HMCN1: variants seen among roughly 807,000 people sequenced by gnomAD.
HMCN1 encodes hemicentin-1.
In HMCN1, 321 loss-of-function variants were observed where a neutral mutation model predicts 625.9. The observed-to-expected ratio is 0.51, with a 90% confidence interval of 0.47 to 0.56. The LOEUF (loss-of-function observed/expected upper bound fraction) is 0.56. Ranked by LOEUF, HMCN1 falls within the 20% of genes least tolerant of loss-of-function variation. HMCN1 has a pLI of 0.00. For synonymous variants in HMCN1, 2,425 were observed against 2,417.6 expected, an observed-to-expected ratio of 1.00 and a Z score of -0.09; for missense variants, 6,588 against 6,887.3, an observed-to-expected ratio of 0.96 and a Z score of 1.54.
chr1:186,091,033 A>C, intron 64 of HMCN1, 116 bp downstream of exon 64: 1 of 1,204,214 alleles, frequency 8.3e-7, no homozygotes, highest in Non-Finnish European at 1.2e-6. Context: ...CTTAGCTATC[A>C]TTATATTCAC....
chr1:185,836,873 C>A (rs570046517), intron 1 of HMCN1, among the ~76,000 whole-genome samples: 53 of 152,126 alleles, frequency 3.5e-4, no homozygotes, highest in African/African-American at 1.3e-3. Context: ...TAAGTGAGAA[C>A]ATTCAGTACT....
At chr1:185,986,959 T>A (rs1429491926) in intron 19 of HMCN1, among the ~76,000 whole-genome samples, 1 of 151,964 alleles carries the variant, frequency 6.6e-6, no homozygotes, top group Non-Finnish European at 1.5e-5. Flanking sequence ...ATGTAGTAAC[T>A]CACTAAGTGA....
intron 55 of HMCN1, among the ~76,000 whole-genome samples, chr1:186,080,531 CAT>C (rs1404621483): frequency 2.0e-5 from 3 of 152,098 alleles, no homozygotes; most frequent in African/African-American, 7.2e-5. Flanking sequence ...AGAATGAACA[CAT>C]GTAGAAAAAT....
At chr1:185,977,630 G>T (rs982175079) in intron 15 of HMCN1, among the ~76,000 whole-genome samples, 157 bp from the exon 16 acceptor site, 1 of 152,032 alleles carries the variant, frequency 6.6e-6, no homozygotes, top group East Asian at 1.9e-4. Context: ...AACACCCACT[G>T]TTTTTACCTA....
chr1:185,895,094 A>G (rs1417172605), intron 4 of HMCN1, among the ~76,000 whole-genome samples: 3 of 99,616 alleles, frequency 3.0e-5, no homozygotes, highest in African/African-American at 9.7e-5. Flanking sequence ...GATTAATATT[A>G]TTTGTTATTT....
At chr1:186,161,431 A>G (rs1346959885) in intron 97 of HMCN1, among the ~76,000 whole-genome samples, 1 of 151,822 alleles carries the variant, frequency 6.6e-6, no homozygotes, top group Non-Finnish European at 1.5e-5. Context: ...TTTAAAGTTA[A>G]TATTGTTATG....
intron 50 of HMCN1, 101 bp from the exon 51 acceptor site, chr1:186,069,562 A>G: frequency 1.3e-6 from 1 of 759,680 alleles, no homozygotes; most frequent in Non-Finnish European, 2.3e-6. Flanking sequence ...TCATATGTAA[A>G]AAGAAATATG....
At chr1:186,047,378 T>C (rs569936227) in intron 41 of HMCN1, among the ~76,000 whole-genome samples, 6 of 152,266 alleles carry the variant, frequency 3.9e-5, no homozygotes, top group Non-Finnish European at 8.8e-5. Context: ...AGGGATACAA[T>C]TGCATGAATG....
chr1:185,977,313 G>A (rs1204978895), intron 15 of HMCN1, among the ~76,000 whole-genome samples: 1 of 152,106 alleles, frequency 6.6e-6, no homozygotes, highest in Admixed American at 6.6e-5. Context: ...GGAGTAAATA[G>A]TGTTAGCTTG....
Position 186,116,867 on chromosome 1 carries a change from T to A in HMCN1, c.11562-127T>A, listed in dbSNP as rs1385957115. The A allele has an allele frequency of 7.5e-6, 8 of 1,071,068 alleles. No homozygotes were observed. In the East Asian group the frequency reaches 2.0e-4, roughly 27 times the overall value. 66.3% of individuals were successfully genotyped at this position (1,071,068 alleles called of 1,614,324 possible). A position where few individuals can be genotyped will look rare whatever the true frequency, so the allele number is the denominator to read the frequency against. On this transcript the variant is annotated intron_variant, in intron 75 of 106. Coordinates refer to ENST00000271588, the MANE Select transcript of HMCN1 (RefSeq NM_031935.3). ...CATAAAGTTGGCCTCAGGGACATGATGTTAATTTTAACATGAGGGAAGAGT... is the reference window on the plus strand; with the variant it reads ...CATAAAGTTGGCCTCAGGGACATGAAGTTAATTTTAACATGAGGGAAGAGT...
At chr1:185,914,365 A>C (rs1666586048) in intron 6 of HMCN1, among the ~76,000 whole-genome samples, 1 of 152,098 alleles carries the variant, frequency 6.6e-6, no homozygotes, top group Admixed American at 6.6e-5. Flanking sequence ...GCACTGGACT[A>C]TCTGGAAAAG....
At chr1:185,974,543 G>A (rs993450124) in intron 15 of HMCN1, among the ~76,000 whole-genome samples, 1 of 152,070 alleles carries the variant, frequency 6.6e-6, no homozygotes, top group Non-Finnish European at 1.5e-5. Context: ...GAAGCACCGT[G>A]CACCGTACTA....
At chr1:186,008,746 T>C (rs1412341614) in intron 30 of HMCN1, among the ~76,000 whole-genome samples, 2 of 152,184 alleles carry the variant, frequency 1.3e-5, no homozygotes, top group African/African-American at 4.8e-5. Flanking sequence ...ACGTGGATTA[T>C]TGAGCTTATA....
intron 1 of HMCN1, among the ~76,000 whole-genome samples, chr1:185,776,579 AT>A (rs1656629890): frequency 1.3e-5 from 2 of 152,252 alleles, no homozygotes; most frequent in South Asian, 4.1e-4. Context: ...ATAAAAAAAA[AT>A]TCCTAAGGAT....
Position 186,125,696 on chromosome 1 carries a change from C to G in HMCN1, c.12592C>G (p.Pro4198Ala). The G allele has an allele frequency of 1.2e-6, 2 of 1,612,320 alleles. No individual in the cohort carries two copies. The highest frequency in any genetic ancestry group is 2.2e-5 in the South Asian group (2 of 91,058). The change falls in exon 82 of 107, where the codon CCA becomes GCA. Residue 4198 changes from proline to alanine, a missense_variant. Physicochemically the swap from Pro to Ala is conservative, Grantham distance 27 (BLOSUM62 -1). Coordinates refer to ENST00000271588, the MANE Select transcript of HMCN1 (RefSeq NM_031935.3). ...ATGCGTAGCTGATGGAATCCCCACA[C>G]CAGCAATTAACTGGAAAAAAGACAA... ...LPCVADGIPT[P>A]AINWKKDNVL...
intron 96 of HMCN1, among the ~76,000 whole-genome samples, chr1:186,153,425 T>G (rs1274771017): frequency 6.6e-6 from 1 of 152,214 alleles, no homozygotes; most frequent in Non-Finnish European, 1.5e-5. Flanking sequence ...TAGTGTTTGA[T>G]GCCAAGCAGA....
intron 97 of HMCN1, among the ~76,000 whole-genome samples, chr1:186,155,123 C>A (rs1219190424): frequency 6.6e-6 from 1 of 152,178 alleles, no homozygotes; most frequent in Non-Finnish European, 1.5e-5. Context: ...TCATGTTTAG[C>A]AGATATGCTA....
rs777053849 is a variant in HMCN1 at position 185,990,431 on chromosome 1, C to A, written c.3365C>A (p.Pro1122Gln). 1 of 1,613,868 alleles carries A rather than the reference C, an allele frequency of 6.2e-7. No homozygotes were observed. Among genetic ancestry groups the A allele is most frequent in the Non-Finnish European group, 8.5e-7 (1 of 1,179,808 alleles). ...GCCAAAGAAACCCAGCTCATCTCACCGTTCTCTCCAAGGTAGGAGATCTGG... is the reference window on the plus strand; with the variant it reads ...GCCAAAGAAACCCAGCTCATCTCACAGTTCTCTCCAAGGTAGGAGATCTGG... ...TWAKETQLISPFSPRHTFLPS... is the reference protein window; with the variant it reads ...TWAKETQLISQFSPRHTFLPS... Residue 1122 changes from proline to glutamine, a missense_variant, in exon 22 of 107, where the codon CCG becomes CAG. Physicochemically the swap from Pro to Gln is moderately conservative, Grantham distance 76. This residue lies in a region of HMCN1 where 4,628 missense variants were observed against 4,853.1 expected (regional missense o/e 0.95). Coordinates refer to ENST00000271588, the MANE Select transcript of HMCN1 (RefSeq NM_031935.3).
chr1:186,133,913 A>C (rs1487221770), intron 86 of HMCN1, among the ~76,000 whole-genome samples: 1 of 151,228 alleles, frequency 6.6e-6, no homozygotes, highest in African/African-American at 2.4e-5. Flanking sequence ...TTTACTGCAG[A>C]TTTTCCAGAA....
Sources: allele counts gnomAD v4.1 joint callset (sites outside exome capture counted in the v4.1 genomes callset), GRCh38; gene constraint gnomAD v4.1.1; regional missense constraint gnomAD v4.1.1; transcripts MANE v1.5; gene names NCBI Gene and HGNC (gene_info 2026-07-23, HGNC 2026-07-21).